SGF29: variants seen among roughly 807,000 people sequenced by gnomAD.
The protein encoded by SGF29 is SAGA complex associated factor 29.
Under a neutral mutation model 38.1 loss-of-function variants are expected in SGF29, and 15 were observed. The ratio of observed to expected loss-of-function variants is 0.39; its 90% CI spans 0.26 to 0.61. The LOEUF (loss-of-function observed/expected upper bound fraction) is 0.61, where lower values mean the gene tolerates loss of function less well. Ranked by LOEUF, SGF29 falls within the 20% of genes least tolerant of loss-of-function variation. The pLI, the probability that SGF29 is intolerant of heterozygous loss-of-function variation, is 0.49. For synonymous variants in SGF29, 151 were observed against 160.8 expected, an observed-to-expected ratio of 0.94 and a Z score of 0.46; for missense variants, 184 against 394.6, an observed-to-expected ratio of 0.47 and a Z score of 4.52.
chr16:28,562,595 A>G (rs2046796280), intron 1 of SGF29, among the ~76,000 whole-genome samples: 1 of 152,052 alleles, frequency 6.6e-6, no homozygotes, highest in African/African-American at 2.4e-5. Context: ...CCAAGATGCA[A>G]AGACAATCCA....
At chr16:28,566,851 G>GT (rs1425434747) in intron 1 of SGF29, among the ~76,000 whole-genome samples, 1 of 152,002 alleles carries the variant, frequency 6.6e-6, no homozygotes, top group Non-Finnish European at 1.5e-5. Flanking sequence ...TGTATTTTTA[G>GT]TAGAGACCAG....
At chr16:28,566,224 A>G (rs1203110010) in intron 1 of SGF29, among the ~76,000 whole-genome samples, 3 of 151,700 alleles carry the variant, frequency 2.0e-5, no homozygotes, top group East Asian at 2.0e-4. Context: ...CAGTGAGCCA[A>G]GATCGCGCCA....
Position 28,575,154 on chromosome 16 carries a change from A to G in SGF29, c.-15-5901A>G, listed in dbSNP as rs182442214. ...AAGCCCTGGGGGTACTGGCACCAGG[A>G]TCCACCATCTGGCTTCACCACCACC... is the stretch of plus-strand genomic sequence containing the variant. On this transcript the variant is annotated intron_variant, in intron 1 of 9. Transcript: ENST00000317058. 2.4e-4 allele frequency among the ~76,000 whole-genome samples: 36 copies of G among 152,288 alleles called. No homozygotes were observed. The East Asian group carries it at 6.0e-3, about 25-fold the overall frequency.
chr16:28,590,969 A>C lies in SGF29; in HGVS notation c.765+34A>C. On this transcript the variant is annotated intron_variant, in intron 9 of 9. Transcript: ENST00000317058. This position sits in a 1 kb window ranked among gnomAD's most constrained non-coding sequence, Gnocchi z 8.2. ...GCCTCCAGGGGAGAGGCCATGGGTG[A>C]TGTCAGGAACAGGCTGATCAGACAG... The C allele has an allele frequency of 6.4e-7, 1 of 1,574,748 alleles. No individual in the cohort carries two copies. Among genetic ancestry groups the C allele is most frequent in the Non-Finnish European group, 8.6e-7 (1 of 1,158,248 alleles).
intron 5 of SGF29, 27 bp downstream of exon 5, chr16:28,589,191 G>A: frequency 6.2e-7 from 1 of 1,613,262 alleles, no homozygotes; most frequent in South Asian, 1.1e-5. Flanking sequence ...ATGCTGGGAG[G>A]TCCTTTGCTA....
Position 28,590,090 on chromosome 16 carries a change from C to G in SGF29, c.290-6C>G. The G allele has an allele frequency of 6.2e-7, 1 of 1,609,556 alleles. No individual in the cohort carries two copies. The highest frequency in any genetic ancestry group is 8.5e-7 in the Non-Finnish European group (1 of 1,178,378). ...TGGGGCCTCAGGCCTCCCTTCCTTC[C>G]CACAGCGGCCAAGATTGCCGGTCTC... On this transcript the variant is annotated splice_region_variant and splice_polypyrimidine_tract_variant and intron_variant, in intron 5 of 9. Transcript: ENST00000317058. The surrounding 1 kb of genome is among the most constrained non-coding windows in gnomAD (Gnocchi z 8.2).
intron 1 of SGF29, among the ~76,000 whole-genome samples, chr16:28,570,372 C>T (rs150973291): frequency 2.7e-4 from 41 of 152,238 alleles, no homozygotes; most frequent in African/African-American, 8.9e-4. Context: ...CCCCTTTCTT[C>T]TTTGTTGTTT....
At chr16:28,556,130 TAATGTCTC>T (rs2046749403) in intron 1 of SGF29, among the ~76,000 whole-genome samples, 1 of 152,204 alleles carries the variant, frequency 6.6e-6, no homozygotes, top group South Asian at 2.1e-4. Context: ...ATTGTCTTCT[TAATGTCTC>T]TTTAACCAAT....
intron 1 of SGF29, among the ~76,000 whole-genome samples, chr16:28,564,096 T>C (rs2046806153): frequency 6.6e-6 from 1 of 152,070 alleles, no homozygotes; most frequent in African/African-American, 2.4e-5. Context: ...AGACAGGTGA[T>C]GAGGACCTAA....
chr16:28,586,065 G>T (rs1041163657), intron 4 of SGF29, among the ~76,000 whole-genome samples: 1 of 152,204 alleles, frequency 6.6e-6, no homozygotes, highest in Non-Finnish European at 1.5e-5. Context: ...GAGGTTAGAG[G>T]ATCACTTGAA....
chr16:28,556,260 C>T (rs1377960094), intron 1 of SGF29, among the ~76,000 whole-genome samples: 4 of 152,082 alleles, frequency 2.6e-5, no homozygotes, highest in African/African-American at 7.2e-5. Flanking sequence ...ACCTCTGCCT[C>T]CCGGGTTCAA....
intron 1 of SGF29, among the ~76,000 whole-genome samples, chr16:28,566,108 C>T (rs1205134054): frequency 6.6e-6 from 1 of 151,510 alleles, no homozygotes; most frequent in African/African-American, 2.4e-5. Flanking sequence ...CCCGTCTCTA[C>T]TAAAAATACA....
Position 28,590,923 on chromosome 16 carries a change from G to A in SGF29, c.753G>A (p.Ala251=), listed in dbSNP as rs750628692. The A allele has an allele frequency of 1.2e-5, 20 of 1,609,878 alleles. No individual in the cohort carries two copies. The highest frequency in any genetic ancestry group is 1.7e-4 in the Middle Eastern group (1 of 5,862). The change falls in exon 9 of 10, where the codon GCG becomes GCA. Residue 251 remains alanine (A), a synonymous_variant. Transcript: ENST00000317058. The surrounding 1 kb of genome is among the most constrained non-coding windows in gnomAD (Gnocchi z 8.2). ...GCTTCTACCGCGCCCTGATCCATGC[G>A]CCCCCACAGCGGGTAAAGCAGCCTC... ...TTCFYRALIH[A]PPQRPQDDYS... is the part of the protein sequence containing the mutation.
intron 1 of SGF29, among the ~76,000 whole-genome samples, chr16:28,562,749 T>A (rs923157997): frequency 4.6e-5 from 7 of 151,404 alleles, no homozygotes; most frequent in African/African-American, 1.7e-4. Context: ...CAAAAATATT[T>A]AAAAATTAGC....
intron 1 of SGF29, among the ~76,000 whole-genome samples, chr16:28,575,073 T>C (rs1023792875): frequency 5.9e-5 from 9 of 152,188 alleles, no homozygotes; most frequent in African/African-American, 2.2e-4. Context: ...CTTGATGTTA[T>C]CATACTTCAG....
chr16:28,590,374 G>A lies in SGF29; in HGVS notation c.498G>A (p.Val166=). 1.1e-5 allele frequency: 18 copies of A among 1,613,904 alleles called. No homozygotes were observed. Among genetic ancestry groups the A allele is most frequent in the Non-Finnish European group, 1.4e-5 (16 of 1,179,840 alleles). Reference sequence around the variant, plus strand: ...CTGGAGACAAGGTGGCTGCCCGGGTGAAGGCCGTGGATGGGGACGAGCAGT... The same window carrying A: ...CTGGAGACAAGGTGGCTGCCCGGGTAAAGGCCGTGGATGGGGACGAGCAGT... ...ARPGDKVAAR[V]KAVDGDEQWI... Residue 166 remains valine (V), a synonymous_variant, in exon 7 of 10, where the codon GTG becomes GTA. Coordinates refer to ENST00000317058, the MANE Select transcript of SGF29 (RefSeq NM_138414.3). This position sits in a 1 kb window ranked among gnomAD's most constrained non-coding sequence, Gnocchi z 8.2.
intron 5 of SGF29, 141 bp downstream of exon 5, chr16:28,589,305 C>A: frequency 1.3e-6 from 1 of 792,208 alleles, no homozygotes; most frequent in Non-Finnish European, 2.1e-6. Context: ...ACTGGCTCTA[C>A]CACTGAGAAG....
chr16:28,584,831 G>C (rs1448987844), intron 2 of SGF29, 82 bp from the exon 3 acceptor site: 1 of 899,516 alleles, frequency 1.1e-6, no homozygotes, highest in Non-Finnish European at 1.8e-6. Context: ...GTATTTTGGG[G>C]ATGGGGACTC....
intron 1 of SGF29, 106 bp downstream of exon 1, chr16:28,554,203 T>C (rs1200127623): frequency 6.9e-6 from 1 of 145,160 alleles, no homozygotes; most frequent in Admixed American, 6.9e-5. Flanking sequence ...GGCGGCGCTC[T>C]AGGGGCGGTG....
Sources: allele counts gnomAD v4.1 joint callset (sites outside exome capture counted in the v4.1 genomes callset), GRCh38; gene constraint gnomAD v4.1.1; non-coding constraint Gnocchi (gnomAD v3.1); transcripts MANE v1.5; gene names NCBI Gene and HGNC (gene_info 2026-07-23, HGNC 2026-07-21).